The following RYR2 variants were observed in gnomAD, a reference collection of about 807,000 sequenced individuals.
RYR2 encodes the protein ryanodine receptor 2.
Under a neutral mutation model 601.1 loss-of-function variants are expected in RYR2, and 227 were observed. The observed-to-expected ratio is 0.38, with a 90% CI of 0.34 to 0.42. RYR2 has a LOEUF of 0.42. RYR2 is among the 10% of genes least tolerant of loss of function. The pLI, the probability that RYR2 is intolerant of heterozygous loss-of-function variation, is 1.00. For synonymous variants in RYR2, 2,223 were observed against 2,175.1 expected, an observed-to-expected ratio of 1.02 and a Z score of -0.61; for missense variants, 4,646 against 6,156.5, an observed-to-expected ratio of 0.75 and a Z score of 8.21.
chr1:237,784,984 C>A lies in RYR2; in HGVS notation c.13260+12C>A, dbSNP rs771600960. On this transcript the variant is annotated intron_variant, in intron 90 of 104. Transcript: ENST00000366574. The surrounding 1 kb of genome is among the most constrained non-coding windows in gnomAD (Gnocchi z 7.1). ...AGGAAAAATTTCAGGTAATTTATCT[C>A]TAAGTCACAGCAGCATTCTCTCTGG... The A allele has an allele frequency of 3.2e-6, 5 of 1,542,326 alleles. No individual in the cohort carries two copies. Among genetic ancestry groups the A allele is most frequent in the Non-Finnish European group, 3.5e-6 (4 of 1,136,868 alleles).
At chr1:237,704,416 G>GT (rs748625171) in intron 66 of RYR2, among the ~76,000 whole-genome samples, 3 of 151,912 alleles carry the variant, frequency 2.0e-5, no homozygotes, top group Non-Finnish European at 4.4e-5. Context: ...AAACCATCAT[G>GT]TAAAGTAATG....
chr1:237,441,993 T>C (rs1707949367), intron 13 of RYR2, among the ~76,000 whole-genome samples: 1 of 152,250 alleles, frequency 6.6e-6, no homozygotes, highest in African/African-American at 2.4e-5. Flanking sequence ...TTATGTATAT[T>C]CAGCATCTAG....
intron 42 of RYR2, among the ~76,000 whole-genome samples, chr1:237,632,389 CTTTTTTTTTTTT>C (rs11448751): frequency 3.1e-5 from 4 of 127,452 alleles, no homozygotes; most frequent in South Asian, 5.2e-4. Context: ...AAAGTGAATT[CTTTTTTTTTTTT>C]TTTTTTTTTT....
At chr1:237,694,655 G>A (rs1360936779) in intron 63 of RYR2, among the ~76,000 whole-genome samples, 1 of 152,104 alleles carries the variant, frequency 6.6e-6, no homozygotes, top group Non-Finnish European at 1.5e-5. Flanking sequence ...GTATTAGAGC[G>A]ATACAGATAA....
intron 1 of RYR2, among the ~76,000 whole-genome samples, chr1:237,169,205 C>T (rs763305320): frequency 7.2e-5 from 11 of 152,100 alleles, no homozygotes; most frequent in Non-Finnish European, 1.3e-4. Context: ...TAATCAGACT[C>T]TAATTTACTT....
intron 1 of RYR2, among the ~76,000 whole-genome samples, chr1:237,118,294 T>G (rs1038807649): frequency 2.6e-5 from 4 of 152,002 alleles, no homozygotes; most frequent in African/African-American, 9.7e-5. Context: ...CCCACTCACC[T>G]TACAGAAAGT....
chr1:237,318,332 C>T (rs1429207807), intron 2 of RYR2, among the ~76,000 whole-genome samples: 1 of 152,034 alleles, frequency 6.6e-6, no homozygotes, highest in Non-Finnish European at 1.5e-5. Context: ...CAATAAGATA[C>T]TATTATAACT....
At chr1:237,696,760 C>T (rs929176973) in intron 63 of RYR2, among the ~76,000 whole-genome samples, 1 of 151,748 alleles carries the variant, frequency 6.6e-6, no homozygotes, top group African/African-American at 2.4e-5. Flanking sequence ...TAGAGTTATC[C>T]TTGACTGCTT....
chr1:237,208,991 C>G (rs1446806647), intron 1 of RYR2, among the ~76,000 whole-genome samples: 1 of 84,134 alleles, frequency 1.2e-5, no homozygotes. Flanking sequence ...TATATGTATA[C>G]TGTAATTGAA....
intron 1 of RYR2, among the ~76,000 whole-genome samples, chr1:237,152,175 G>T (rs536422247): frequency 7.0e-4 from 106 of 152,316 alleles, no homozygotes; most frequent in Non-Finnish European, 1.3e-3. Flanking sequence ...CTCTGCAAAA[G>T]ACATGATTTC....
In RYR2 at chr1:237,807,675, T is replaced by C. The variant is rs575470301; in HGVS notation, c.14299-1226T>C. On this transcript the variant is annotated intron_variant, in intron 99 of 104. Coordinates refer to ENST00000366574, the MANE Select transcript of RYR2 (RefSeq NM_001035.3). ...CCTCAAATTTTCATTTGCAGAAATA[T>C]GTAGAGCTTTATAGTCCTAACAGGT... Among the ~76,000 whole-genome samples the C allele has an allele frequency of 1.9e-4, 29 of 152,286 alleles. No homozygotes were observed. In the East Asian group the frequency reaches 4.6e-3, roughly 24 times the overall value.
At chr1:237,774,551 G>T (rs925526262) in intron 87 of RYR2, among the ~76,000 whole-genome samples, 2 of 151,988 alleles carry the variant, frequency 1.3e-5, no homozygotes, top group Non-Finnish European at 2.9e-5. Flanking sequence ...TTTTTGCCTT[G>T]GTGGGGAAGA....
chr1:237,406,397 T>C (rs1442082192), intron 10 of RYR2, among the ~76,000 whole-genome samples: 3 of 151,758 alleles, frequency 2.0e-5, no homozygotes, highest in Non-Finnish European at 4.4e-5. Context: ...ATATGAATGG[T>C]AAACAATTAG....
intron 51 of RYR2, among the ~76,000 whole-genome samples, chr1:237,653,181 G>A (rs1682933120): frequency 6.6e-6 from 1 of 152,134 alleles, no homozygotes. Flanking sequence ...TAGACAATCA[G>A]TAAAGTAATA....
At chr1:237,790,673 A>G (rs1658269203) in intron 92 of RYR2, among the ~76,000 whole-genome samples, 1 of 152,148 alleles carries the variant, frequency 6.6e-6, no homozygotes. Context: ...CACACTTAAG[A>G]GTTAAGGTCT....
At chr1:237,746,435 G>A (rs1438541943) in intron 80 of RYR2, among the ~76,000 whole-genome samples, 2 of 152,062 alleles carry the variant, frequency 1.3e-5, no homozygotes, top group Non-Finnish European at 2.9e-5. Context: ...AAAGAAAAGT[G>A]CTATTATAGG....
At chr1:237,159,035 A>G (rs1276446885) in intron 1 of RYR2, among the ~76,000 whole-genome samples, 1 of 152,200 alleles carries the variant, frequency 6.6e-6, no homozygotes, top group Non-Finnish European at 1.5e-5. Context: ...CGCCTATTAC[A>G]TAATCCCAGC....
chr1:237,820,938 T>C (rs1662421730), intron 101 of RYR2, among the ~76,000 whole-genome samples: 1 of 152,084 alleles, frequency 6.6e-6, no homozygotes, highest in Non-Finnish European at 1.5e-5. Context: ...CCACTGCAGC[T>C]CAGCAAGGCC....
Position 237,658,024 on chromosome 1 carries a change from TA to T in RYR2, c.8208+7del. 1 of 1,465,714 alleles carries T rather than the reference TA, an allele frequency of 6.8e-7. No homozygotes were observed. Among genetic ancestry groups the T allele is most frequent in the Non-Finnish European group, 9.1e-7 (1 of 1,093,216 alleles). 90.8% of individuals were successfully genotyped at this position (1,465,714 alleles called of 1,614,324 possible). A position where few individuals can be genotyped will look rare whatever the true frequency, so the allele number is the denominator to read the frequency against. ...CATGACAAATGGTCAATGGACAAGG[TA>T]AAAAGAGTATTACATTCTAATTCAG... On this transcript the variant is annotated splice_donor_region_variant and intron_variant, in intron 54 of 104. Coordinates refer to ENST00000366574, the MANE Select transcript of RYR2 (RefSeq NM_001035.3).
Sources: gnomAD v4.1 joint callset for allele counts (sites outside exome capture counted in the v4.1 genomes callset) on GRCh38, gnomAD v4.1.1 for gene constraint, Gnocchi (gnomAD v3.1) non-coding constraint, MANE v1.5 for transcripts, NCBI Gene and HGNC (gene_info 2026-07-23, HGNC 2026-07-21) for gene names.